Variants in HIGD1C observed in about 807,000 individuals in gnomAD.
HIGD1C encodes the protein HIG1 hypoxia inducible domain family member 1C, also known as HIG1 domain family member 1C.
A neutral mutation model predicts 13.1 loss-of-function variants in HIGD1C; 11 were observed. The observed-to-expected ratio is 0.84, with a 90% CI of 0.53 to 1.39. HIGD1C has a LOEUF of 1.39. Among genes scored for constraint, HIGD1C ranks in the 40% most tolerant of loss-of-function variants. The pLI is 0.00. For missense variants in HIGD1C, 110 were observed against 112.0 expected (o/e 0.98, Z 0.08); for synonymous variants, 36 against 37.7 (o/e 0.95, Z 0.17).
chr12:50,945,606 C>G, the HIGD1C span, among the ~76,000 whole-genome samples: 1 of 152,172 alleles, frequency 6.6e-6, no homozygotes, highest in Non-Finnish European at 1.5e-5. Flanking sequence ...GAAGAACATT[C>G]CATGCTCATG....
intron 1 of HIGD1C, among the ~76,000 whole-genome samples, chr12:50,954,610 C>T (rs370487454): frequency 6.6e-6 from 1 of 152,012 alleles, no homozygotes; most frequent in African/African-American, 2.4e-5. Flanking sequence ...CCTGTAATCC[C>T]AGCGCTTTGG....
intron 2 of HIGD1C, among the ~76,000 whole-genome samples, chr12:50,962,899 A>G (rs1939392620): frequency 6.6e-6 from 1 of 152,178 alleles, no homozygotes; most frequent in African/African-American, 2.4e-5. Context: ...ATGGCATGTA[A>G]GTGGAACTCT....
At chr12:50,954,747 C>A (rs1373311491) in intron 1 of HIGD1C, among the ~76,000 whole-genome samples, 1 of 151,842 alleles carries the variant, frequency 6.6e-6, no homozygotes, top group South Asian at 2.1e-4. Context: ...AACAAATAAA[C>A]AAAAAACCAA....
At chr12:50,945,927 C>T in the HIGD1C span, among the ~76,000 whole-genome samples, 11 of 152,146 alleles carry the variant, frequency 7.2e-5, no homozygotes, top group Middle Eastern at 3.4e-3. Context: ...AATAATACCA[C>T]ACATCTACAA....
the HIGD1C span, among the ~76,000 whole-genome samples, chr12:50,938,420 G>A: frequency 6.6e-6 from 1 of 152,214 alleles, no homozygotes; most frequent in Admixed American, 6.5e-5. Flanking sequence ...GCCTGTTGGG[G>A]AAGGGGGTTT....
the HIGD1C span, among the ~76,000 whole-genome samples, chr12:50,944,310 A>C: frequency 6.6e-6 from 1 of 152,124 alleles, no homozygotes; most frequent in Non-Finnish European, 1.5e-5. Context: ...CCCTATACTC[A>C]AATATTCTAA....
At chr12:50,946,327 C>G in the HIGD1C span, among the ~76,000 whole-genome samples, 2 of 152,212 alleles carry the variant, frequency 1.3e-5, no homozygotes, top group African/African-American at 2.4e-5. Flanking sequence ...TTGCAATCTA[C>G]TCATCTGACA....
chr12:50,950,036 C>G (rs994182240), upstream of HIGD1C, among the ~76,000 whole-genome samples: 14 of 152,212 alleles, frequency 9.2e-5, no homozygotes, highest in African/African-American at 3.1e-4. Context: ...CAAGCAGCCT[C>G]TTGTATTTAC....
At chr12:50,944,713 C>A in the HIGD1C span, among the ~76,000 whole-genome samples, 1 of 152,236 alleles carries the variant, frequency 6.6e-6, no homozygotes, top group South Asian at 2.1e-4. Context: ...ATGGTGAAAT[C>A]CCATCTCTAC....
chr12:50,948,465 A>G, the HIGD1C span, among the ~76,000 whole-genome samples: 1 of 152,172 alleles, frequency 6.6e-6, no homozygotes, highest in East Asian at 1.9e-4. Flanking sequence ...GAATGCCAAT[A>G]TATTAAAACC....
chr12:50,962,758 T>C (rs980694375), intron 2 of HIGD1C, among the ~76,000 whole-genome samples: 1 of 152,090 alleles, frequency 6.6e-6, no homozygotes, highest in African/African-American at 2.4e-5. Context: ...GGTATTTAAC[T>C]AGGGCTGGGA....
chr12:50,972,209 A>G (rs1939779805), downstream of HIGD1C, among the ~76,000 whole-genome samples: 1 of 152,224 alleles, frequency 6.6e-6, no homozygotes, highest in South Asian at 2.1e-4. Flanking sequence ...TACCTTCTCA[A>G]TATGTACTCA....
upstream of HIGD1C, among the ~76,000 whole-genome samples, chr12:50,952,194 T>C (rs927054121): frequency 4.0e-5 from 6 of 151,566 alleles, no homozygotes; most frequent in Admixed American, 6.6e-5. Context: ...TATGGTTATA[T>C]AATAAAAGAA....
chr12:50,939,280 T>C, the HIGD1C span, among the ~76,000 whole-genome samples: 13 of 151,926 alleles, frequency 8.6e-5, no homozygotes, highest in African/African-American at 3.2e-4. Context: ...CCTGGGTATC[T>C]GGAATTACAG....
At chr12:50,942,935 G>A in the HIGD1C span, among the ~76,000 whole-genome samples, 3 of 148,770 alleles carry the variant, frequency 2.0e-5, no homozygotes, top group Non-Finnish European at 3.0e-5. Flanking sequence ...GCATGATCTC[G>A]GCTCACTGCA....
chr12:50,942,866 T>C, the HIGD1C span, among the ~76,000 whole-genome samples: 6 of 120,150 alleles, frequency 5.0e-5, no homozygotes, highest in African/African-American at 1.9e-4. Flanking sequence ...GTTTCTCTTC[T>C]CTTTTTTTTT....
At chr12:50,935,273 A>G in the HIGD1C span, 1 of 152,228 alleles carries the variant, frequency 6.6e-6, no homozygotes. Flanking sequence ...ATTAAAAAAT[A>G]AAAAGAATTC....
chr12:50,971,039 T>C (rs959153212), downstream of HIGD1C, among the ~76,000 whole-genome samples: 4 of 152,002 alleles, frequency 2.6e-5, no homozygotes, highest in African/African-American at 9.7e-5. Flanking sequence ...CCACCACCCC[T>C]GGCTAATTTT....
At chr12:50,959,519 A>G (rs1592257450) in intron 1 of HIGD1C, among the ~76,000 whole-genome samples, 1 of 152,232 alleles carries the variant, frequency 6.6e-6, no homozygotes, top group East Asian at 1.9e-4. Flanking sequence ...TACTTATCCA[A>G]AAATTTTTTT....
Sources: allele counts gnomAD v4.1 joint callset (sites outside exome capture counted in the v4.1 genomes callset), GRCh38; gene constraint gnomAD v4.1.1; transcripts MANE v1.5; gene names NCBI Gene and HGNC (gene_info 2026-07-23, HGNC 2026-07-21).